Variants in ZNF107 observed in about 807,000 individuals in gnomAD.
ZNF107 encodes zinc finger protein 107, also known as C2H2 type zinc-finger protein.
ZNF107 carries 19 observed loss-of-function variants against 12.3 expected under a neutral mutation model. The ratio of observed to expected loss-of-function variants is 1.55; its 90% confidence interval spans 1.08 to 2.27. The LOEUF (loss-of-function observed/expected upper bound fraction) is 2.27, where lower values mean the gene tolerates loss of function less well. ZNF107 is among the 30% of genes most tolerant of loss of function. The probability of loss-of-function intolerance (pLI) is 0.00; values close to 1 mark genes in which losing one functional copy is unlikely to be tolerated. For synonymous variants in ZNF107, 317 were observed against 330.5 expected (o/e 0.96, Z 0.44); for missense variants, 958 against 979.9 (o/e 0.98, Z 0.30).
chr7:64,696,294 C>T (rs964160633), intron 3 of ZNF107, among the ~76,000 whole-genome samples: 4 of 151,960 alleles, frequency 2.6e-5, no homozygotes, highest in Non-Finnish European at 5.9e-5. Context: ...CTGATCCACC[C>T]GCCTCGGCCT....
At chr7:64,692,149 A>G (rs1323298870) in intron 3 of ZNF107, among the ~76,000 whole-genome samples, 189 bp downstream of exon 3, 1 of 152,156 alleles carries the variant, frequency 6.6e-6, no homozygotes. Context: ...AAATTCTCTA[A>G]GGATTCTACT....
chr7:64,672,216 G>C (rs1005111549), intron 1 of ZNF107, among the ~76,000 whole-genome samples: 2 of 152,046 alleles, frequency 1.3e-5, no homozygotes, highest in Admixed American at 6.5e-5. Context: ...TTCTGCATTA[G>C]TTTTCTATGG....
At chr7:64,670,259 A>G (rs976365668) in intron 1 of ZNF107, among the ~76,000 whole-genome samples, 4 of 152,228 alleles carry the variant, frequency 2.6e-5, no homozygotes, top group African/African-American at 4.8e-5. Context: ...TAAGAATTGC[A>G]AAGTTTAGGC....
In ZNF107 at chr7:64,709,845, C is replaced by T. The variant is rs1790825842; in HGVS notation, c.*1189C>T. 4.7e-6 allele frequency: 2 copies of T among 421,264 alleles called. No individual in the cohort carries two copies. Among genetic ancestry groups the T allele is most frequent in the South Asian group, 3.4e-5 (2 of 58,806 alleles). 26.1% of individuals were successfully genotyped at this position (421,264 alleles called of 1,614,324 possible). ...AAGCCTTTAAAGTGAAGAAGAGGAG[C>T]CAGTTGTGCTGGCTCACATCTGTAA... On this transcript the variant is annotated 3_prime_UTR_variant, in exon 4 of 4. Transcript: ENST00000620827.
chr7:64,705,214 TTATA>T (rs1403182183), intron 3 of ZNF107, among the ~76,000 whole-genome samples: 3 of 152,158 alleles, frequency 2.0e-5, no homozygotes, highest in Non-Finnish European at 2.9e-5. Flanking sequence ...GAAATTTTGC[TTATA>T]TATGTTTTAT....
rs140083712 is a variant in ZNF107 at position 64,675,109 on chromosome 7, C to G, written c.3+8824C>G. Reference sequence around the variant, plus strand: ...TGTCAGGTTTTGGTATCATATGATACTGTTCTTATATAATGAGTTGGGAAG... The same window carrying G: ...TGTCAGGTTTTGGTATCATATGATAGTGTTCTTATATAATGAGTTGGGAAG... On this transcript the variant is annotated intron_variant, in intron 1 of 3. Coordinates refer to ENST00000620827, the MANE Select transcript of ZNF107 (RefSeq NM_001282359.2). Among the ~76,000 whole-genome samples, 1,462 of 152,184 alleles carry G rather than the reference C, an allele frequency of 9.6e-3. 21 individuals are homozygous for G. The highest frequency in any genetic ancestry group is 0.031 in the African/African-American group (1,302 of 41,518).
At chr7:64,696,802 G>A (rs1790303220) in intron 3 of ZNF107, among the ~76,000 whole-genome samples, 1 of 151,950 alleles carries the variant, frequency 6.6e-6, no homozygotes, top group East Asian at 1.9e-4. Context: ...AATGTGACAA[G>A]ATTTATTTAT....
intron 3 of ZNF107, among the ~76,000 whole-genome samples, chr7:64,694,694 G>A (rs1045313362): frequency 1.3e-5 from 2 of 151,770 alleles, no homozygotes; most frequent in African/African-American, 4.8e-5. Flanking sequence ...TTTTTGGTCA[G>A]GGATGGCTGA....
chr7:64,710,003 C>G lies in ZNF107; in HGVS notation c.*1347C>G. The G allele has an allele frequency of 4.3e-6, 1 of 234,870 alleles. No individual in the cohort carries two copies. Among genetic ancestry groups the G allele is most frequent in the South Asian group, 4.7e-5 (1 of 21,260 alleles). The allele number at this position is 234,870 out of a possible 1,614,324, so 14.5% of individuals were successfully genotyped here. A position where few individuals can be genotyped will look rare whatever the true frequency, so the allele number is the denominator to read the frequency against. ...ATTAGCTGCGTGTGGTGGCAGGCCCCTGTAATCCCAGCTAATTGGGAGGCT... is the reference window on the plus strand; with the variant it reads ...ATTAGCTGCGTGTGGTGGCAGGCCCGTGTAATCCCAGCTAATTGGGAGGCT... On this transcript the variant is annotated 3_prime_UTR_variant, in exon 4 of 4. Transcript: ENST00000620827.
Position 64,679,352 on chromosome 7 carries a change from C to T in ZNF107, c.4-11896C>T, listed in dbSNP as rs570632531. 10 of 985,220 alleles carry T rather than the reference C, an allele frequency of 1.0e-5. No individual in the cohort carries two copies. In the African/African-American group the frequency reaches 1.2e-4, roughly 12 times the overall value. 61.0% of individuals were successfully genotyped at this position (985,220 alleles called of 1,614,324 possible). On this transcript the variant is annotated intron_variant, in intron 1 of 3. Coordinates refer to ENST00000620827, the MANE Select transcript of ZNF107 (RefSeq NM_001282359.2). ...CTTCGGATAGGTAAGAGACCTCCAT[C>T]CTTTCTCAAACTTTCCTTTTCTTAG...
chr7:64,687,486 G>T (rs767611372), intron 1 of ZNF107: 32 of 985,254 alleles, frequency 3.2e-5, no homozygotes, highest in Admixed American at 3.1e-4. Context: ...GTGTGCTGGG[G>T]GCTCTGCCTC....
intron 1 of ZNF107, among the ~76,000 whole-genome samples, chr7:64,685,025 G>A (rs747817185): frequency 5.3e-5 from 8 of 152,042 alleles, no homozygotes; most frequent in African/African-American, 1.4e-4. Flanking sequence ...TACCACCCTC[G>A]TAATGAAGGA....
intron 1 of ZNF107, among the ~76,000 whole-genome samples, chr7:64,677,175 A>AT (rs71567859): frequency 0.11 from 16,085 of 145,282 alleles, 1,525 homozygotes; most frequent in East Asian, 0.27. Flanking sequence ...ATACCCATGG[A>AT]TTTTTTTTTT....
At position 64,710,277 on chromosome 7, in the gene ZNF107, A is replaced by G. The variant is rs1790842246; in HGVS notation, c.*1621A>G. The G allele has an allele frequency of 2.0e-5, 3 of 152,348 alleles. No homozygotes were observed. Among genetic ancestry groups the G allele is most frequent in the African/African-American group, 7.2e-5 (3 of 41,592 alleles). The allele number at this position is 152,348 out of a possible 1,614,324, so 9.4% of individuals were successfully genotyped here. ...TGAAGCAGTTGCTCAAATGTTGTTCAACACCAGAAAATTTATATTGGAGAA... is the reference window on the plus strand; with the variant it reads ...TGAAGCAGTTGCTCAAATGTTGTTCGACACCAGAAAATTTATATTGGAGAA... On this transcript the variant is annotated 3_prime_UTR_variant, in exon 4 of 4. Coordinates refer to ENST00000620827, the MANE Select transcript of ZNF107 (RefSeq NM_001282359.2).
At chr7:64,682,467 C>T (rs1484784521) in intron 1 of ZNF107, among the ~76,000 whole-genome samples, 1 of 152,106 alleles carries the variant, frequency 6.6e-6, no homozygotes, top group East Asian at 1.9e-4. Flanking sequence ...TTCCCTCATT[C>T]ATCCTTTCAC....
rs1165586046 is a variant in ZNF107 at position 64,711,381 on chromosome 7, A to G, written c.*2725A>G. 6.6e-6 allele frequency: 1 copy of G among 152,198 alleles called. No homozygotes were observed. Among genetic ancestry groups the G allele is most frequent in the Non-Finnish European group, 1.5e-5 (1 of 68,020 alleles). The allele number at this position is 152,198 out of a possible 1,614,324, so 9.4% of individuals were successfully genotyped here. The stretch of plus-strand genomic sequence containing the variant: ...TTGATACAGGCATATAATTTTATGT[A>G]TTAATCACATCAGGGCAAAAGATGT... On this transcript the variant is annotated 3_prime_UTR_variant, in exon 4 of 4. Coordinates refer to ENST00000620827, the MANE Select transcript of ZNF107 (RefSeq NM_001282359.2).
chr7:64,666,582 G>A (rs1789013679), intron 1 of ZNF107, among the ~76,000 whole-genome samples: 1 of 152,224 alleles, frequency 6.6e-6, no homozygotes, highest in African/African-American at 2.4e-5. Flanking sequence ...TGCACCCGCA[G>A]CGCGGCATCT....
chr7:64,702,767 G>A (rs1054758299), intron 3 of ZNF107, among the ~76,000 whole-genome samples: 1 of 151,864 alleles, frequency 6.6e-6, no homozygotes, highest in African/African-American at 2.4e-5. Flanking sequence ...ATGTTGGTCA[G>A]GCTGTTCTCG....
intron 1 of ZNF107, among the ~76,000 whole-genome samples, chr7:64,681,999 C>T (rs1306222427): frequency 6.6e-6 from 1 of 152,070 alleles, no homozygotes; most frequent in Non-Finnish European, 1.5e-5. Context: ...GTCCCAACAA[C>T]TAACCTGGAC....
Sources: gnomAD v4.1 joint callset for allele counts (sites outside exome capture counted in the v4.1 genomes callset) on GRCh38, gnomAD v4.1.1 for gene constraint, MANE v1.5 for transcripts, NCBI Gene and HGNC (gene_info 2026-07-23, HGNC 2026-07-21) for gene names.